Variants in LONP2 observed in about 807,000 individuals in gnomAD.
The protein encoded by LONP2 is lon protease homolog 2, peroxisomal.
LONP2 carries 60 observed loss-of-function variants against 85.6 expected under a neutral mutation model. That is an observed-to-expected ratio of 0.70 (90% CI 0.57 to 0.87). The LOEUF (loss-of-function observed/expected upper bound fraction) is 0.87. Among genes scored for constraint, LONP2 ranks in the 40% least tolerant of loss-of-function variants. The pLI is 0.00. For missense variants in LONP2, 860 were observed against 1,063.5 expected (o/e 0.81, Z 2.66); for synonymous variants, 395 against 389.7 (o/e 1.01, Z -0.16).
intron 12 of LONP2, chr16:48,336,581 T>G (rs1959656382): frequency 2.6e-6 from 1 of 381,284 alleles, no homozygotes; most frequent in African/African-American, 2.1e-5. Flanking sequence ...AGTGGAAAAT[T>G]ACAGTCAAAG....
intron 10 of LONP2, among the ~76,000 whole-genome samples, chr16:48,300,143 TAG>T (rs1972772789): frequency 6.6e-6 from 1 of 152,236 alleles, no homozygotes. Context: ...ATGGCAAATA[TAG>T]AGACACTTTT....
chr16:48,351,873 C>A lies in LONP2; in HGVS notation c.*71C>A. ...AGGTACTGACACAGTTGATTTTATT[C>A]ACACCATTAGGGGTATGCAAGATGT... is the stretch of plus-strand genomic sequence containing the variant. On this transcript the variant is annotated 3_prime_UTR_variant, in exon 15 of 15. Transcript: ENST00000285737. The A allele has an allele frequency of 8.0e-7, 1 of 1,249,302 alleles. No individual in the cohort carries two copies. Among genetic ancestry groups the A allele is most frequent in the Non-Finnish European group, 1.2e-6 (1 of 864,208 alleles). 77.4% of individuals were successfully genotyped at this position (1,249,302 alleles called of 1,614,324 possible).
chr16:48,293,496 G>A, intron 8 of LONP2, among the ~76,000 whole-genome samples: 1 of 152,058 alleles, frequency 6.6e-6, no homozygotes, highest in East Asian at 1.9e-4. Flanking sequence ...TATTAAAGGT[G>A]GTAAGGATTA....
chr16:48,290,706 G>T (rs1972542401), intron 8 of LONP2, among the ~76,000 whole-genome samples: 1 of 152,214 alleles, frequency 6.6e-6, no homozygotes, highest in South Asian at 2.1e-4. Context: ...TTGCACCTGG[G>T]TGTGCTCAAA....
chr16:48,255,239 G>A (rs570927399), intron 2 of LONP2, among the ~76,000 whole-genome samples: 15 of 152,168 alleles, frequency 9.9e-5, no homozygotes, highest in East Asian at 3.9e-4. Context: ...AAAGTCACTC[G>A]GACCCAGGTG....
At chr16:48,361,604 G>A (rs1323894067), downstream of LONP2, 2 of 1,612,982 alleles carry the variant, frequency 1.2e-6, no homozygotes, top group Non-Finnish European at 1.7e-6. Flanking sequence ...TAGTTACATT[G>A]ATGCCTAAAT....
chr16:48,325,841 A>G (rs1437662187), intron 11 of LONP2, among the ~76,000 whole-genome samples: 1 of 152,232 alleles, frequency 6.6e-6, no homozygotes, highest in Non-Finnish European at 1.5e-5. Flanking sequence ...ACTGTTTTCC[A>G]TAATGGCTGT....
Position 48,314,818 on chromosome 16 carries a change from G to T in LONP2, c.1795+11513G>T, listed in dbSNP as rs1222761947. ...AATTTTGTTTTCTAATTTTTTGTTG[G>T]TAGTGTATGACAATGCAATATTGGC... On this transcript the variant is annotated intron_variant, in intron 11 of 14. Transcript: ENST00000285737. Among the ~76,000 whole-genome samples, 7 of 151,822 alleles carry T rather than the reference G, an allele frequency of 4.6e-5. No homozygotes were observed. In the East Asian group the frequency reaches 7.7e-4, roughly 17 times the overall value.
chr16:48,247,814 G>T (rs1190445455), intron 1 of LONP2, among the ~76,000 whole-genome samples: 1 of 152,068 alleles, frequency 6.6e-6, no homozygotes, highest in Non-Finnish European at 1.5e-5. Context: ...TTTCCTCATA[G>T]TGCCGACTTC....
chr16:48,285,120 T>C (rs1454960315), intron 8 of LONP2, among the ~76,000 whole-genome samples: 1 of 152,138 alleles, frequency 6.6e-6, no homozygotes, highest in African/African-American at 2.4e-5. Flanking sequence ...TGGTATAGAA[T>C]TTGGGTTGAC....
chr16:48,335,176 C>A (rs1009282394), intron 12 of LONP2, among the ~76,000 whole-genome samples: 5 of 152,220 alleles, frequency 3.3e-5, no homozygotes, highest in Admixed American at 2.6e-4. Flanking sequence ...CTTATGTGTA[C>A]TTTAAGGAGG....
intron 11 of LONP2, among the ~76,000 whole-genome samples, chr16:48,317,321 A>G (rs750109056): frequency 2.6e-5 from 4 of 152,192 alleles, no homozygotes; most frequent in Non-Finnish European, 5.9e-5. Flanking sequence ...TTGCCAATGA[A>G]GTCCCAGTTG....
chr16:48,277,215 C>T (rs1972226448), intron 7 of LONP2, 123 bp from the exon 8 acceptor site: 3 of 815,410 alleles, frequency 3.7e-6, no homozygotes, highest in Non-Finnish European at 5.7e-6. Context: ...TACATAGTAC[C>T]TCTTTGCTAT....
At chr16:48,248,792 G>A (rs944334585) in intron 1 of LONP2, among the ~76,000 whole-genome samples, 8 of 151,602 alleles carry the variant, frequency 5.3e-5, no homozygotes, top group African/African-American at 1.9e-4. Context: ...CTGAGGCGGA[G>A]GATTACTTGA....
At chr16:48,284,245 T>G (rs1972390185) in intron 8 of LONP2, among the ~76,000 whole-genome samples, 1 of 152,196 alleles carries the variant, frequency 6.6e-6, no homozygotes, top group Non-Finnish European at 1.5e-5. Flanking sequence ...TGAACCTTGT[T>G]GAAATTCTAA....
chr16:48,299,770 C>G lies in LONP2; in HGVS notation c.1643C>G (p.Thr548Ser). The change falls in exon 10 of 15, where the codon ACT becomes AGT. Residue 548 changes from threonine to serine, a missense_variant. Physicochemically the swap from Thr to Ser is moderately conservative, Grantham distance 58. This residue lies in a region of LONP2 where 743 missense variants were observed against 917.3 expected (regional missense o/e 0.81). Coordinates refer to ENST00000285737, the MANE Select transcript of LONP2 (RefSeq NM_031490.5). Reference protein sequence around the residue: ...PQQIQIPQVTTLDIITRYTRE... With the variant: ...PQQIQIPQVTSLDIITRYTRE... ...CAGATTCAGATACCCCAGGTCACCA[C>G]TCTTGACATCATCACCAGGTTAGTT... 1 of 1,611,752 alleles carries G rather than the reference C, an allele frequency of 6.2e-7. No homozygotes were observed. Among genetic ancestry groups the G allele is most frequent in the Non-Finnish European group, 8.5e-7 (1 of 1,179,380 alleles).
downstream of LONP2, among the ~76,000 whole-genome samples, chr16:48,359,289 G>C (rs1960487710): frequency 6.6e-6 from 1 of 152,158 alleles, no homozygotes; most frequent in Non-Finnish European, 1.5e-5. Flanking sequence ...GATATTGGGA[G>C]CCCTTTTACA....
chr16:48,325,879 G>GT (rs1390954718), intron 11 of LONP2, among the ~76,000 whole-genome samples: 2 of 152,186 alleles, frequency 1.3e-5, no homozygotes, highest in Non-Finnish European at 2.9e-5. Context: ...CCACCAGTGT[G>GT]TAAGAGTTCT....
chr16:48,286,421 G>A lies in LONP2; in HGVS notation c.1383+8942G>A, dbSNP rs1439352925. 3.9e-5 allele frequency among the ~76,000 whole-genome samples: 6 copies of A among 152,080 alleles called. No individual in the cohort carries two copies. In the East Asian group the frequency reaches 5.8e-4, roughly 15 times the overall value. ...CTCCCAAAGTGCTGAGATTACAGTC[G>A]TGAGCCACCGTGCCTGGCCGCTGAT... is the stretch of plus-strand genomic sequence containing the variant. On this transcript the variant is annotated intron_variant, in intron 8 of 14. Coordinates refer to ENST00000285737, the MANE Select transcript of LONP2 (RefSeq NM_031490.5).
Sources: gnomAD v4.1 joint callset for allele counts (sites outside exome capture counted in the v4.1 genomes callset) on GRCh38, gnomAD v4.1.1 for gene constraint, gnomAD v4.1.1 regional missense constraint, MANE v1.5 for transcripts, NCBI Gene and HGNC (gene_info 2026-07-23, HGNC 2026-07-21) for gene names.